Variants in COL9A1 observed in about 807,000 individuals in gnomAD.
COL9A1 encodes the protein collagen type IX alpha 1 chain.
Under a neutral mutation model 142.6 loss-of-function variants are expected in COL9A1, and 104 were observed. The ratio of observed to expected loss-of-function variants is 0.73; its 90% CI spans 0.62 to 0.86. The LOEUF (loss-of-function observed/expected upper bound fraction) is 0.86. Among genes scored for constraint, COL9A1 ranks in the 40% least tolerant of loss-of-function variants. COL9A1 has a pLI of 0.00. For missense variants in COL9A1, 1,210 were observed against 1,176.6 expected (o/e 1.03, Z -0.42); for synonymous variants, 466 against 396.0 (o/e 1.18, Z -2.10).
At chr6:70,261,937 G>A (rs1358290058) in intron 19 of COL9A1, among the ~76,000 whole-genome samples, 7 of 152,050 alleles carry the variant, frequency 4.6e-5, no homozygotes, top group Non-Finnish European at 1.0e-4. Context: ...AAAAGTACAT[G>A]CTTTTTAAAT....
intron 37 of COL9A1, among the ~76,000 whole-genome samples, chr6:70,221,097 CG>C (rs766176027): frequency 3.0e-4 from 44 of 148,438 alleles, no homozygotes; most frequent in East Asian, 5.8e-4. Context: ...TATTGCTAAA[CG>C]TTTTTTTTTT....
chr6:70,290,369 G>T (rs1461829604), intron 5 of COL9A1, among the ~76,000 whole-genome samples: 4 of 152,020 alleles, frequency 2.6e-5, no homozygotes, highest in Non-Finnish European at 5.9e-5. Flanking sequence ...TGGCACAAAG[G>T]AGAATAAAAT....
intron 4 of COL9A1, among the ~76,000 whole-genome samples, chr6:70,299,612 G>A (rs1233536726): frequency 6.6e-6 from 1 of 152,114 alleles, no homozygotes; most frequent in East Asian, 1.9e-4. Context: ...TCTGCCAGAA[G>A]CCAAGCAGTG....
At chr6:70,276,373 T>A (rs1234124886) in intron 10 of COL9A1, among the ~76,000 whole-genome samples, 1 of 152,088 alleles carries the variant, frequency 6.6e-6, no homozygotes, top group East Asian at 1.9e-4. Flanking sequence ...CAAGACCAAT[T>A]CTGTTCAATT....
chr6:70,283,671 A>C (rs1773314610), intron 6 of COL9A1, 66 bp downstream of exon 6: 1 of 1,216,164 alleles, frequency 8.2e-7, no homozygotes, highest in South Asian at 1.3e-5. Flanking sequence ...GCAAGATGGG[A>C]AAGTGGTGAG....
At chr6:70,296,148 G>C (rs1225734855) in intron 4 of COL9A1, among the ~76,000 whole-genome samples, 1 of 152,022 alleles carries the variant, frequency 6.6e-6, no homozygotes, top group Admixed American at 6.5e-5. Flanking sequence ...AATAAAATAA[G>C]TCAACTATCT....
intron 19 of COL9A1, 162 bp from the exon 20 acceptor site, chr6:70,260,872 G>T: frequency 1.6e-6 from 1 of 629,188 alleles, no homozygotes; most frequent in Non-Finnish European, 2.6e-6. Context: ...AGTTTAGAAA[G>T]TCCAAGGAGA....
At chr6:70,261,311 T>C (rs10081090) in intron 19 of COL9A1, among the ~76,000 whole-genome samples, 47,583 of 151,756 alleles carry the variant, frequency 0.31, 7,691 homozygotes, top group African/African-American at 0.39. Flanking sequence ...ATCCTAAAAA[T>C]GAGGGGCGGG....
intron 10 of COL9A1, among the ~76,000 whole-genome samples, chr6:70,276,506 T>C (rs1325878583): frequency 2.6e-5 from 4 of 152,150 alleles, no homozygotes; most frequent in Non-Finnish European, 4.4e-5. Flanking sequence ...TGTTTTTCGG[T>C]TACTTCATAT....
intron 36 of COL9A1, among the ~76,000 whole-genome samples, chr6:70,229,724 A>G (rs1488861798): frequency 6.6e-6 from 1 of 152,206 alleles, no homozygotes; most frequent in Non-Finnish European, 1.5e-5. Flanking sequence ...AATACCAAGC[A>G]AAGTGAATAT....
chr6:70,297,554 C>T (rs541916752), intron 4 of COL9A1, among the ~76,000 whole-genome samples: 1 of 152,112 alleles, frequency 6.6e-6, no homozygotes, highest in South Asian at 2.1e-4. Flanking sequence ...TTGGAATACC[C>T]GAAATTCGGT....
intron 37 of COL9A1, among the ~76,000 whole-genome samples, chr6:70,218,901 A>T (rs892029873): frequency 6.6e-6 from 1 of 152,356 alleles, no homozygotes; most frequent in East Asian, 1.9e-4. Flanking sequence ...GAATTTATCC[A>T]TCTCAAAGCT....
chr6:70,293,631 TCACACACACACA>T lies in COL9A1; in HGVS notation c.696+524_696+535del, dbSNP rs3222430. On this transcript the variant is annotated intron_variant, in intron 5 of 37. Transcript: ENST00000357250. ...TCTCACCCTCCTCTCTCTCTCTCTT[TCACACACACACA>T]CACACACACACACACACACACACAC... 6.4e-3 allele frequency among the ~76,000 whole-genome samples: 888 copies of T among 137,856 alleles called. 4 individuals are homozygous for T. Among genetic ancestry groups the T allele is most frequent in the East Asian group, 0.031 (144 of 4,706 alleles). 90.4% of individuals were successfully genotyped at this position (137,856 alleles called of 152,430 possible).
At chr6:70,270,411 A>G in intron 14 of COL9A1, 44 bp from the exon 15 acceptor site, 1 of 1,556,088 alleles carries the variant, frequency 6.4e-7, no homozygotes, top group Non-Finnish European at 8.9e-7. Flanking sequence ...TACATGTGTC[A>G]AAACACAGTA....
chr6:70,271,452 C>T (rs1389704428), intron 14 of COL9A1, among the ~76,000 whole-genome samples: 3 of 152,186 alleles, frequency 2.0e-5, no homozygotes, highest in African/African-American at 7.2e-5. Flanking sequence ...AAAAGTTTAG[C>T]TGAAAAATTT....
intron 36 of COL9A1, 142 bp downstream of exon 36, chr6:70,232,441 C>T (rs992324331): frequency 6.1e-6 from 6 of 979,856 alleles, no homozygotes; most frequent in African/African-American, 3.2e-5. Flanking sequence ...GAATCTTCAC[C>T]GTCACTATTG....
At chr6:70,281,078 C>A (rs764364900) in intron 8 of COL9A1, 39 bp from the exon 9 acceptor site, 2 of 1,568,750 alleles carry the variant, frequency 1.3e-6, no homozygotes, top group Non-Finnish European at 1.7e-6. Context: ...AGTCTATGAG[C>A]GGGATAGGCT....
chr6:70,298,525 G>A (rs572918756), intron 4 of COL9A1, among the ~76,000 whole-genome samples: 1 of 152,074 alleles, frequency 6.6e-6, no homozygotes, highest in African/African-American at 2.4e-5. Flanking sequence ...TAGTCCTTAT[G>A]GGGGCAGGGA....
intron 29 of COL9A1, among the ~76,000 whole-genome samples, chr6:70,242,318 C>A (rs934659925): frequency 3.9e-5 from 6 of 152,150 alleles, no homozygotes; most frequent in African/African-American, 2.4e-5. Context: ...GCACTGCCTG[C>A]AATGGCGCTG....
Sources: allele counts gnomAD v4.1 joint callset (sites outside exome capture counted in the v4.1 genomes callset), GRCh38; gene constraint gnomAD v4.1.1; transcripts MANE v1.5; gene names NCBI Gene and HGNC (gene_info 2026-07-23, HGNC 2026-07-21).